The following NIPA1 variants were observed in gnomAD, a reference collection of about 807,000 sequenced individuals.
NIPA1 encodes magnesium transporter NIPA1.
In NIPA1, 13 loss-of-function variants were observed where a neutral mutation model predicts 23.9. The observed-to-expected ratio is 0.54, with a 90% CI of 0.35 to 0.87. NIPA1 has a LOEUF of 0.87. Ranked by LOEUF, NIPA1 falls within the 40% of genes least tolerant of loss-of-function variation. The probability of loss-of-function intolerance (pLI) is 0.01; values close to 1 mark genes in which losing one functional copy is unlikely to be tolerated. For synonymous variants in NIPA1, 234 were observed against 202.9 expected (o/e 1.15, Z -1.30); for missense variants, 362 against 429.7 (o/e 0.84, Z 1.39).
chr15:22,801,391 A>G (rs928504318), intron 1 of NIPA1, among the ~76,000 whole-genome samples: 1 of 151,496 alleles, frequency 6.6e-6, no homozygotes, highest in African/African-American at 2.4e-5. Context: ...CTCAGGCCTC[A>G]GGGTGCGTGG....
At chr15:22,820,858 C>T (rs1225494312) in intron 4 of NIPA1, among the ~76,000 whole-genome samples, 1 of 152,190 alleles carries the variant, frequency 6.6e-6, no homozygotes, top group Non-Finnish European at 1.5e-5. Context: ...ACTCTATCTC[C>T]ACCTCAGCAC....
chr15:22,804,621 C>T (rs940134312), intron 1 of NIPA1, among the ~76,000 whole-genome samples: 1 of 152,134 alleles, frequency 6.6e-6, no homozygotes, highest in South Asian at 2.1e-4. Flanking sequence ...CGTTGAGTTA[C>T]AGGATGGTCT....
intron 4 of NIPA1, among the ~76,000 whole-genome samples, chr15:22,822,225 A>C (rs901508412): frequency 6.6e-6 from 1 of 152,218 alleles, no homozygotes; most frequent in African/African-American, 2.4e-5. Flanking sequence ...TATTAAATCC[A>C]TGCAAAAATT....
intron 3 of NIPA1, among the ~76,000 whole-genome samples, chr15:22,816,178 ATTTTTTTTTTT>A (rs71117481): frequency 1.3e-5 from 1 of 77,458 alleles, no homozygotes; most frequent in East Asian, 5.4e-4. Context: ...AGAAGACCTG[ATTTTTTTTTTT>A]TTTTTTTTTT....
intron 1 of NIPA1, among the ~76,000 whole-genome samples, chr15:22,801,534 GAGAC>G (rs1895080576): frequency 8.4e-6 from 1 of 119,256 alleles, no homozygotes; most frequent in Non-Finnish European, 1.7e-5. Flanking sequence ...TTTTTTTTGA[GAGAC>G]AGAGTCTTGC....
chr15:22,815,443 A>ACCAG (rs111332098), intron 3 of NIPA1, among the ~76,000 whole-genome samples: 34,917 of 151,894 alleles, frequency 0.23, 4,942 homozygotes, highest in Non-Finnish European at 0.32. Context: ...ACCCAGGGAG[A>ACCAG]CCAGCCTGGC....
chr15:22,797,939 G>T (rs1002152779), intron 1 of NIPA1, among the ~76,000 whole-genome samples: 1 of 150,982 alleles, frequency 6.6e-6, no homozygotes, highest in African/African-American at 2.4e-5. Context: ...CCGCCTCCTG[G>T]GTTCATGCCA....
intron 3 of NIPA1, among the ~76,000 whole-genome samples, chr15:22,819,920 A>G (rs1324312189): frequency 6.6e-6 from 1 of 152,208 alleles, no homozygotes; most frequent in African/African-American, 2.4e-5. Context: ...CTGGCCAGGC[A>G]TGGTGGCTCA....
chr15:22,787,294 C>T (rs1442788997), intron 1 of NIPA1, among the ~76,000 whole-genome samples: 1 of 152,184 alleles, frequency 6.6e-6, no homozygotes, highest in African/African-American at 2.4e-5. Flanking sequence ...AGCCGATGCG[C>T]GGCCCGCTCC....
chr15:22,796,058 A>G (rs1894933117), intron 1 of NIPA1, among the ~76,000 whole-genome samples: 1 of 151,864 alleles, frequency 6.6e-6, no homozygotes, highest in African/African-American at 2.4e-5. Context: ...CAGCCTCCCG[A>G]GTAGCACCAC....
chr15:22,797,148 TTG>T (rs1894955170), intron 1 of NIPA1, among the ~76,000 whole-genome samples: 1 of 151,938 alleles, frequency 6.6e-6, no homozygotes, highest in Admixed American at 6.6e-5. Context: ...CAAGCGATTC[TTG>T]TGCCTCAGCC....
rs1485416717 is a variant in NIPA1, at chr15:22,813,660, T to C, written c.317+1407T>C. 40 of 456,062 alleles carry C rather than the reference T, an allele frequency of 8.8e-5. No individual in the cohort carries two copies. In the East Asian group the frequency reaches 2.3e-3, roughly 26 times the overall value. The allele number at this position is 456,062 out of a possible 1,614,324, so 28.3% of individuals were successfully genotyped here. A position where few individuals can be genotyped will look rare whatever the true frequency, so the allele number is the denominator to read the frequency against. ...AGATGCCCAAATCCTTGCAGAGAAG[T>C]GTGTCCATGATGGGTGTATTGAAGT... On this transcript the variant is annotated intron_variant, in intron 3 of 4. Transcript: ENST00000337435.
At chr15:22,816,369 A>G (rs1895417764) in intron 3 of NIPA1, among the ~76,000 whole-genome samples, 1 of 149,628 alleles carries the variant, frequency 6.7e-6, no homozygotes. Context: ...TTGTATTTTT[A>G]GTAGAGACGG....
intron 1 of NIPA1, among the ~76,000 whole-genome samples, chr15:22,810,509 A>G (rs1895296948): frequency 6.6e-6 from 1 of 152,058 alleles, no homozygotes; most frequent in Non-Finnish European, 1.5e-5. Context: ...TAAAGATCTC[A>G]TTTCCTTATT....
At chr15:22,794,556 C>T (rs979920285) in intron 1 of NIPA1, among the ~76,000 whole-genome samples, 31 of 152,062 alleles carry the variant, frequency 2.0e-4, no homozygotes, top group Non-Finnish European at 3.8e-4. Flanking sequence ...TTTGTAGACT[C>T]CTCCTTGAGA....
chr15:22,810,663 C>G (rs1895299467), intron 1 of NIPA1, 86 bp from the exon 2 acceptor site: 2 of 817,844 alleles, frequency 2.4e-6, no homozygotes, highest in South Asian at 2.7e-5. Flanking sequence ...GTTTTCATGT[C>G]AAAAGTTTCT....
intron 1 of NIPA1, among the ~76,000 whole-genome samples, chr15:22,804,908 C>T (rs1895173297): frequency 6.6e-6 from 1 of 152,192 alleles, no homozygotes; most frequent in South Asian, 2.1e-4. Context: ...GCAATCTTGG[C>T]TCACTGCAAG....
At chr15:22,822,081 T>C (rs991463251) in intron 4 of NIPA1, among the ~76,000 whole-genome samples, 9 of 152,150 alleles carry the variant, frequency 5.9e-5, no homozygotes, top group African/African-American at 9.7e-5. Flanking sequence ...TGTAATGTTA[T>C]TGACTGGGAC....
At position 22,796,833 on chromosome 15, in the gene NIPA1, C is replaced by T. The variant is rs187581526; in HGVS notation, c.178+9999C>T. ...CAGGGTTGCCTGACTCGTGCCCAGC[C>T]GGGGCTCTTTACTGTGATATAATTA... On this transcript the variant is annotated intron_variant, in intron 1 of 4. Coordinates refer to ENST00000337435, the MANE Select transcript of NIPA1 (RefSeq NM_144599.5). Among the ~76,000 whole-genome samples, 29 of 152,140 alleles carry T rather than the reference C, an allele frequency of 1.9e-4. 1 individual carries two copies. In the East Asian group the frequency reaches 4.8e-3, roughly 25 times the overall value.
Sources: gnomAD v4.1 joint callset for allele counts (sites outside exome capture counted in the v4.1 genomes callset) on GRCh38, gnomAD v4.1.1 for gene constraint, MANE v1.5 for transcripts, NCBI Gene and HGNC (gene_info 2026-07-23, HGNC 2026-07-21) for gene names.